Variants in NLRP4 observed in about 807,000 individuals in gnomAD.
NLRP4 encodes NLR family pyrin domain containing 4.
A neutral mutation model predicts 84.7 loss-of-function variants in NLRP4; 44 were observed. The ratio of observed to expected loss-of-function variants is 0.52; its 90% CI spans 0.41 to 0.67. The LOEUF (loss-of-function observed/expected upper bound fraction) is 0.67. Ranked by LOEUF, NLRP4 falls within the 30% of genes least tolerant of loss-of-function variation. The probability of loss-of-function intolerance (pLI) is 0.00; values close to 1 mark genes in which losing one functional copy is unlikely to be tolerated. For missense variants in NLRP4, 1,260 were observed against 1,219.4 expected (o/e 1.03, Z -0.50); for synonymous variants, 544 against 476.4 (o/e 1.14, Z -1.85).
Position 55,881,514 on chromosome 19 carries a change from C to G in NLRP4, c.2912C>G (p.Thr971Arg), listed in dbSNP as rs374023533. The stretch of plus-strand genomic sequence containing the variant: ...GATGAGGAAACCCAGGCACTTCTGA[C>G]GGCTGAGGAAGAGAGAAATCCTAAC... Reference protein sequence around the residue: ...DFDEETQALLTAEEERNPNLT... With the variant: ...DFDEETQALLRAEEERNPNLT... Residue 971 changes from threonine to arginine, a missense_variant, in exon 10 of 10, where the codon ACG becomes AGG. This residue lies in a region of NLRP4 where 544 missense variants were observed against 531.7 expected (regional missense o/e 1.02). Transcript: ENST00000301295. 3 of 1,609,360 alleles carry G rather than the reference C, an allele frequency of 1.9e-6. No individual in the cohort carries two copies. In the East Asian group the frequency reaches 6.7e-5, roughly 36 times the overall value.
At position 55,870,975 on chromosome 19, in the gene NLRP4, G is replaced by T. The variant is rs767959252; in HGVS notation, c.2503G>T (p.Asp835Tyr). 6.2e-7 allele frequency: 1 copy of T among 1,614,136 alleles called. No homozygotes were observed. ...TCTCTGCGAGGCCTTGAAACATCCG[G>T]ACTGCTGCCTGGATTCACTGTGGTA... is the stretch of plus-strand genomic sequence containing the variant. ...KTLCEALKHP[D>Y]CCLDSLCLVK... Residue 835 changes from aspartate (D) to tyrosine (Y), a missense_variant, in exon 7 of 10, where the codon GAC becomes TAC. By Grantham distance (160) the Asp-to-Tyr change is radical. Transcript: ENST00000301295.
At chr19:55,860,449 T>G (rs1409387628) in intron 3 of NLRP4, among the ~76,000 whole-genome samples, 2 of 152,010 alleles carry the variant, frequency 1.3e-5, no homozygotes, top group African/African-American at 4.8e-5. Context: ...TGGTGGCATG[T>G]GCCTGTAGCA....
In NLRP4 at chr19:55,859,015, G is replaced by T; in HGVS notation, c.1622G>T (p.Arg541Leu). Residue 541 changes from arginine (R) to leucine (L), a missense_variant, in exon 3 of 10, where the codon CGT becomes CTT. Physicochemically the swap from Arg to Leu is moderately radical, Grantham distance 102 (BLOSUM62 -2). This residue lies in a region of NLRP4 where 712 missense variants were observed against 669.2 expected (regional missense o/e 1.06). Transcript: ENST00000301295. Reference protein sequence around the residue: ...IHQCLKSLGERGNPQGQVDSL... With the variant: ...IHQCLKSLGELGNPQGQVDSL... ...CAGTGCCTGAAGAGCTTAGGGGAGC[G>T]TGGCAATCCTCAGGGACAGGTGGAT... 1.2e-6 allele frequency: 2 copies of T among 1,614,162 alleles called. No homozygotes were observed. Among genetic ancestry groups the T allele is most frequent in the Non-Finnish European group, 1.7e-6 (2 of 1,180,028 alleles).
At chr19:55,856,418 A>C (rs1446855408) in intron 2 of NLRP4, among the ~76,000 whole-genome samples, 1 of 150,022 alleles carries the variant, frequency 6.7e-6, no homozygotes. Context: ...GTGTCATGAG[A>C]GTGAGGGCCA....
At chr19:55,853,917 T>TTCTCTTTCTCTTTC (rs746770912) in intron 2 of NLRP4, among the ~76,000 whole-genome samples, 10,657 of 116,922 alleles carry the variant, frequency 0.091, 969 homozygotes, top group African/African-American at 0.2. Context: ...TTCTCTTTCT[T>TTCTCTTTCTCTTTC]TCTCTTTCTC....
intron 7 of NLRP4, among the ~76,000 whole-genome samples, chr19:55,874,321 ACT>A (rs1985292059): frequency 6.6e-6 from 1 of 152,126 alleles, no homozygotes; most frequent in African/African-American, 2.4e-5. Context: ...TTTTGTATTA[ACT>A]CTCTAAGGTT....
chr19:55,879,132 A>C (rs145404808), intron 9 of NLRP4, among the ~76,000 whole-genome samples, 168 bp downstream of exon 9: 1,702 of 152,324 alleles, frequency 0.011, 16 homozygotes, highest in Non-Finnish European at 0.017. Context: ...CTCTTACCAC[A>C]GTAAGTGGTG....
In NLRP4 at chr19:55,881,539, C is replaced by T; in HGVS notation, c.2937C>T (p.Asn979=). The part of the protein sequence containing the change: ...LLTAEEERNP[N]LTITDDCDTI... ...CGGCTGAGGAAGAGAGAAATCCTAACCTGACCATCACAGACGACTGTGACA... is the reference window on the plus strand; with the variant it reads ...CGGCTGAGGAAGAGAGAAATCCTAATCTGACCATCACAGACGACTGTGACA... The change falls in exon 10 of 10, where the codon AAC becomes AAT. Residue 979 remains asparagine, a synonymous_variant. Transcript: ENST00000301295. The T allele has an allele frequency of 6.2e-7, 1 of 1,609,978 alleles. No homozygotes were observed. Among genetic ancestry groups the T allele is most frequent in the South Asian group, 1.1e-5 (1 of 90,984 alleles).
intron 1 of NLRP4, among the ~76,000 whole-genome samples, chr19:55,849,842 T>TGATTTCCGAGACTGCGGTGG (rs1983953376): frequency 4.7e-5 from 7 of 148,930 alleles, no homozygotes; most frequent in African/African-American, 1.8e-4. Context: ...AGCTGCGGTG[T>TGATTTCCGAGACTGCGGTGG]AATTTCCGAG....
Position 55,857,836 on chromosome 19 carries a change from C to T in NLRP4, c.443C>T (p.Pro148Leu), listed in dbSNP as rs767826874. Residue 148 changes from proline to leucine, a missense_variant, in exon 3 of 10, where the codon CCA becomes CTA. Transcript: ENST00000301295. ...GCTCCCAAGGAAGCTGGGAAACAGC[C>T]ACGTACAGTGATCATTCAAGGACCA... is the stretch of plus-strand genomic sequence containing the variant. ...LFAPKEAGKQ[P>L]RTVIIQGPQG... 6.2e-6 allele frequency: 10 copies of T among 1,613,814 alleles called. No homozygotes were observed. The highest frequency in any genetic ancestry group is 1.6e-4 in the Middle Eastern group (1 of 6,084).
intron 5 of NLRP4, among the ~76,000 whole-genome samples, chr19:55,865,272 G>C (rs2123047398): frequency 6.6e-6 from 1 of 152,278 alleles, no homozygotes; most frequent in Middle Eastern, 3.4e-3. Flanking sequence ...GTTTGCTAAG[G>C]ATAATGGCCT....
At chr19:55,854,197 C>T (rs548014158) in intron 2 of NLRP4, among the ~76,000 whole-genome samples, 1 of 152,118 alleles carries the variant, frequency 6.6e-6, no homozygotes, top group Non-Finnish European at 1.5e-5. Context: ...GTCTCGAACT[C>T]CTGACCTCAG....
intron 1 of NLRP4, among the ~76,000 whole-genome samples, chr19:55,844,495 T>G (rs142365798): frequency 0.042 from 6,371 of 152,228 alleles, 218 homozygotes; most frequent in Non-Finnish European, 0.059. Context: ...AGGCTGGTCT[T>G]GATCTCCTGA....
intron 1 of NLRP4, among the ~76,000 whole-genome samples, chr19:55,851,807 G>A (rs966741141): frequency 1.9e-4 from 29 of 152,150 alleles, no homozygotes; most frequent in Non-Finnish European, 7.4e-5. Context: ...GTGACTATAG[G>A]ATTCTTGTAT....
intron 1 of NLRP4, among the ~76,000 whole-genome samples, chr19:55,839,872 C>G (rs1983539747): frequency 6.6e-6 from 1 of 152,090 alleles, no homozygotes; most frequent in South Asian, 2.1e-4. Flanking sequence ...TTTTCCAGCT[C>G]CTGATTTAGC....
At chr19:55,856,571 A>G (rs1984427146) in intron 2 of NLRP4, among the ~76,000 whole-genome samples, 1 of 141,262 alleles carries the variant, frequency 7.1e-6, no homozygotes, top group South Asian at 2.2e-4. Flanking sequence ...GTTAGAGTAC[A>G]GCAGTGCCAT....
At chr19:55,863,225 T>C (rs1327304998) in intron 5 of NLRP4, among the ~76,000 whole-genome samples, 4 of 152,222 alleles carry the variant, frequency 2.6e-5, no homozygotes, top group Non-Finnish European at 5.9e-5. Context: ...ATCCTATGGC[T>C]TTATTCCTGT....
chr19:55,857,635 C>T (rs772975787), intron 2 of NLRP4, 39 bp from the exon 3 acceptor site: 3 of 1,591,618 alleles, frequency 1.9e-6, no homozygotes, highest in Admixed American at 1.7e-5. Context: ...GAATGCTTAA[C>T]TTTGTGGGTT....
intron 3 of NLRP4, among the ~76,000 whole-genome samples, chr19:55,859,791 G>T (rs574154179): frequency 1.3e-3 from 194 of 151,702 alleles, no homozygotes; most frequent in African/African-American, 4.5e-3. Context: ...AGCCGGGTGT[G>T]TAGCGCACAC....
Sources: allele counts gnomAD v4.1 joint callset (sites outside exome capture counted in the v4.1 genomes callset), GRCh38; gene constraint gnomAD v4.1.1; regional missense constraint gnomAD v4.1.1; transcripts MANE v1.5; gene names NCBI Gene and HGNC (gene_info 2026-07-23, HGNC 2026-07-21).